Variants in KLHL1 observed in about 807,000 individuals in gnomAD.
KLHL1 encodes the protein kelch like family member 1, also known as kelch-like protein 1.
In KLHL1, 47 loss-of-function variants were observed where a neutral mutation model predicts 77.7. The ratio of observed to expected loss-of-function variants is 0.60; its 90% CI spans 0.48 to 0.77. The LOEUF is 0.77. KLHL1 is among the 30% of genes least tolerant of loss of function. The pLI, the probability that KLHL1 is intolerant of heterozygous loss-of-function variation, is 0.00. For synonymous variants in KLHL1, 360 were observed against 325.2 expected, an observed-to-expected ratio of 1.11 and a Z score of -1.15; for missense variants, 925 against 910.8, an observed-to-expected ratio of 1.02 and a Z score of -0.20.
chr13:69,792,080 C>G (rs1876898932), intron 7 of KLHL1, among the ~76,000 whole-genome samples: 1 of 152,072 alleles, frequency 6.6e-6, no homozygotes, highest in Non-Finnish European at 1.5e-5. Context: ...ACCTATGTAA[C>G]AAACCTGCAC....
chr13:70,024,455 T>A (rs1397117060), intron 1 of KLHL1, among the ~76,000 whole-genome samples: 5 of 151,890 alleles, frequency 3.3e-5, no homozygotes, highest in Admixed American at 3.3e-4. Context: ...TCGAGTGCTG[T>A]TATTTTTTTC....
At chr13:69,718,410 AG>A (rs1375618955) in intron 9 of KLHL1, among the ~76,000 whole-genome samples, 1 of 106,098 alleles carries the variant, frequency 9.4e-6, no homozygotes, top group Non-Finnish European at 2.1e-5. Flanking sequence ...TCAATATTCT[AG>A]GTTTTTTTTT....
chr13:69,892,785 T>C (rs920613724), intron 4 of KLHL1, among the ~76,000 whole-genome samples: 3 of 152,162 alleles, frequency 2.0e-5, no homozygotes, highest in Non-Finnish European at 4.4e-5. Flanking sequence ...AAGAAGTCAG[T>C]ACAGAAGTTA....
intron 1 of KLHL1, among the ~76,000 whole-genome samples, chr13:70,089,787 G>A (rs1248098926): frequency 6.6e-6 from 1 of 152,052 alleles, no homozygotes; most frequent in Non-Finnish European, 1.5e-5. Flanking sequence ...TTAAGTTATA[G>A]AAGTGAACTG....
At chr13:70,083,601 G>T (rs535409864) in intron 1 of KLHL1, among the ~76,000 whole-genome samples, 1 of 152,106 alleles carries the variant, frequency 6.6e-6, no homozygotes, top group African/African-American at 2.4e-5. Context: ...ATCAAACAGG[G>T]TATATGCTGT....
At chr13:69,754,906 T>C (rs995232184) in intron 7 of KLHL1, among the ~76,000 whole-genome samples, 39 of 152,302 alleles carry the variant, frequency 2.6e-4, no homozygotes, top group African/African-American at 9.1e-4. Context: ...CAGATCTGAC[T>C]CAAATGGGAA....
intron 2 of KLHL1, among the ~76,000 whole-genome samples, chr13:69,969,336 A>G (rs917138287): frequency 6.6e-6 from 1 of 152,096 alleles, no homozygotes; most frequent in Non-Finnish European, 1.5e-5. Flanking sequence ...AGTAACTAAA[A>G]TGTCAACTTT....
chr13:69,872,832 CA>C (rs1880633164), intron 5 of KLHL1, among the ~76,000 whole-genome samples: 2 of 152,134 alleles, frequency 1.3e-5, no homozygotes, highest in East Asian at 3.9e-4. Context: ...GGAACTCACT[CA>C]TTACCATAGG....
chr13:69,869,115 T>A (rs2138170223), intron 5 of KLHL1, among the ~76,000 whole-genome samples: 1 of 152,172 alleles, frequency 6.6e-6, no homozygotes, highest in East Asian at 1.9e-4. Context: ...TATAAATTAT[T>A]GGTTGTAATA....
intron 1 of KLHL1, among the ~76,000 whole-genome samples, chr13:70,004,489 A>T (rs2501245): frequency 0.1 from 15,630 of 149,662 alleles, 880 homozygotes; most frequent in African/African-American, 0.12. Context: ...TAATTGGAAG[A>T]TACCACAATT....
chr13:69,954,287 G>A (rs768000336), intron 3 of KLHL1, among the ~76,000 whole-genome samples: 1 of 151,182 alleles, frequency 6.6e-6, no homozygotes, highest in Non-Finnish European at 1.5e-5. Context: ...AAGGAATAAA[G>A]TGTATAAGTA....
chr13:69,954,800 T>TACACAC (rs34668618), intron 3 of KLHL1, among the ~76,000 whole-genome samples: 65 of 149,574 alleles, frequency 4.3e-4, no homozygotes, highest in South Asian at 4.2e-4. Flanking sequence ...CTAAATGTTT[T>TACACAC]ACACACACAC....
At chr13:69,998,875 G>T (rs1885219640) in intron 1 of KLHL1, among the ~76,000 whole-genome samples, 1 of 151,858 alleles carries the variant, frequency 6.6e-6, no homozygotes, top group Non-Finnish European at 1.5e-5. Flanking sequence ...ATTTTTTTGT[G>T]TCTCTAGAGC....
intron 1 of KLHL1, among the ~76,000 whole-genome samples, chr13:70,066,318 G>A (rs528571695): frequency 4.7e-4 from 72 of 152,274 alleles, no homozygotes; most frequent in African/African-American, 1.7e-3. Context: ...TTAAAAATCA[G>A]TATGAAGCAA....
chr13:69,957,203 G>C (rs1450720643), intron 3 of KLHL1, among the ~76,000 whole-genome samples: 1 of 151,680 alleles, frequency 6.6e-6, no homozygotes, highest in Non-Finnish European at 1.5e-5. Context: ...TCACGAAACT[G>C]TTTTTAAGTC....
chr13:70,014,365 C>T (rs927741884), intron 1 of KLHL1, among the ~76,000 whole-genome samples: 3 of 151,952 alleles, frequency 2.0e-5, no homozygotes, highest in Non-Finnish European at 2.9e-5. Context: ...ACAACTTTGT[C>T]AAAAATCAAT....
intron 4 of KLHL1, among the ~76,000 whole-genome samples, chr13:69,904,930 T>A (rs1366904450): frequency 2.0e-5 from 3 of 152,148 alleles, no homozygotes; most frequent in African/African-American, 7.2e-5. Flanking sequence ...TCTACAATAA[T>A]AATATGCCTT....
At chr13:69,762,257 T>C (rs17085346) in intron 7 of KLHL1, among the ~76,000 whole-genome samples, 4,966 of 152,220 alleles carry the variant, frequency 0.033, 274 homozygotes, top group African/African-American at 0.11. Context: ...CTGAATTTTC[T>C]TGGTCAAAGG....
intron 7 of KLHL1, among the ~76,000 whole-genome samples, chr13:69,778,531 A>G (rs536898588): frequency 3.3e-5 from 5 of 152,310 alleles, no homozygotes; most frequent in South Asian, 2.1e-4. Context: ...CAAGACAGAT[A>G]AGACATAGTT....
Sources: gnomAD v4.1 joint callset for allele counts (sites outside exome capture counted in the v4.1 genomes callset) on GRCh38, gnomAD v4.1.1 for gene constraint, MANE v1.5 for transcripts, NCBI Gene and HGNC (gene_info 2026-07-23, HGNC 2026-07-21) for gene names.